The following OTUD5 variants were observed in gnomAD, a reference collection of about 807,000 sequenced individuals.
OTUD5 encodes OTU deubiquitinase 5, also known as OTU domain-containing protein 5.
A neutral mutation model predicts 36.3 loss-of-function variants in OTUD5; 2 were observed. The observed-to-expected ratio is 0.06, with a 90% CI of 0.02 to 0.17. The LOEUF (loss-of-function observed/expected upper bound fraction) is 0.17, where lower values mean the gene tolerates loss of function less well. Ranked by LOEUF, OTUD5 falls within the 10% of genes least tolerant of loss-of-function variation. The probability of loss-of-function intolerance (pLI) is 1.00; values close to 1 mark genes in which losing one functional copy is unlikely to be tolerated. For missense variants in OTUD5, 233 were observed against 512.3 expected, an observed-to-expected ratio of 0.45 and a Z score of 5.26; for synonymous variants, 234 against 214.9, an observed-to-expected ratio of 1.09 and a Z score of -0.78.
chrX:48,932,913 T>C (rs1343407950), intron 5 of OTUD5, among the ~76,000 whole-genome samples: 2 of 110,874 alleles, frequency 1.8e-5, no homozygotes, highest in African/African-American at 6.6e-5. Context: ...GCCAGGGAAG[T>C]GGAGGCTAGC....
intron 1 of OTUD5, among the ~76,000 whole-genome samples, chrX:48,946,574 T>C (rs1216804318): frequency 7.1e-5 from 8 of 112,090 alleles, no homozygotes; most frequent in Non-Finnish European, 7.5e-5. Context: ...TGAGCTTCCA[T>C]GCGCAGCACA....
rs1569516603 is a variant in OTUD5, at chrX:48,952,000, G to GAGGTTGCAGCA, written c.594+4976_594+4977insTGCTGCAACCT. On this transcript the variant is annotated intron_variant, in intron 1 of 8. Coordinates refer to ENST00000376488, the MANE Select transcript of OTUD5 (RefSeq NM_001136157.2). ...GAACCCGGAAGCCGGAGGTTGCAGCGACCTGAGATTGCGCCACTGCACTCC... is the reference window on the plus strand; with the variant it reads ...GAACCCGGAAGCCGGAGGTTGCAGCGAGGTTGCAGCAACCTGAGATTGCGCCACTGCACTCC... Among the ~76,000 whole-genome samples the GAGGTTGCAGCA allele has an allele frequency of 2.7e-5, 3 of 110,231 alleles. No individual in the cohort carries two copies. The East Asian group carries it at 8.5e-4, about 31-fold the overall frequency.
chrX:48,935,917 C>T (rs967139028), intron 2 of OTUD5, among the ~76,000 whole-genome samples: 5 of 73,053 alleles, frequency 6.8e-5, no homozygotes, highest in Admixed American at 4.4e-4. Context: ...CCAGCCTGGG[C>T]GACAGAGTAA....
chrX:48,929,899 T>G (rs369860555), intron 5 of OTUD5, among the ~76,000 whole-genome samples: 1 of 110,274 alleles, frequency 9.1e-6, no homozygotes, highest in Non-Finnish European at 1.9e-5. Context: ...GTCAGGAGAT[T>G]GAGACCATCC....
At chrX:48,926,152 A>AG (rs1224666825) in intron 5 of OTUD5, 102 bp from the exon 6 acceptor site, 4 of 595,013 alleles carry the variant, frequency 6.7e-6, no homozygotes, top group Non-Finnish European at 8.2e-6. Context: ...CAGAAAAAAA[A>AG]GGAGACAGGA....
intron 1 of OTUD5, among the ~76,000 whole-genome samples, chrX:48,952,266 A>C (rs1399252769): frequency 6.7e-4 from 75 of 111,969 alleles, no homozygotes; most frequent in Non-Finnish European, 3.8e-4. Context: ...AAATCAATCA[A>C]GCCAGAAAGT....
intron 5 of OTUD5, among the ~76,000 whole-genome samples, chrX:48,927,261 C>T (rs1342875664): frequency 9.0e-6 from 1 of 111,124 alleles, no homozygotes; most frequent in African/African-American, 3.3e-5. Flanking sequence ...CTTCTGTGAC[C>T]AAGTGTGCGG....
chrX:48,935,474 A>T (rs1288803263), intron 2 of OTUD5, among the ~76,000 whole-genome samples: 1 of 110,656 alleles, frequency 9.0e-6, no homozygotes, highest in Non-Finnish European at 1.9e-5. Flanking sequence ...TGACTCCTAC[A>T]AGTCAACATG....
At chrX:48,924,881 C>A (rs1465236479) in intron 6 of OTUD5, among the ~76,000 whole-genome samples, 2 of 112,125 alleles carry the variant, frequency 1.8e-5, no homozygotes, top group African/African-American at 6.5e-5. Flanking sequence ...AAACTGTGAA[C>A]ATCACAAGGA....
At chrX:48,938,385 G>T (rs1195558938) in intron 2 of OTUD5, among the ~76,000 whole-genome samples, 1 of 111,755 alleles carries the variant, frequency 8.9e-6, no homozygotes, top group African/African-American at 3.3e-5. Context: ...AAACACATAG[G>T]AAGTACTCAA....
intron 1 of OTUD5, among the ~76,000 whole-genome samples, chrX:48,954,582 G>A (rs2064204164): frequency 1.8e-5 from 2 of 111,382 alleles, no homozygotes; most frequent in South Asian, 7.4e-4. Context: ...ATGATGGGAG[G>A]AAGGGACCAA....
At chrX:48,931,162 T>C (rs1217673991) in intron 5 of OTUD5, among the ~76,000 whole-genome samples, 4 of 111,382 alleles carry the variant, frequency 3.6e-5, no homozygotes, top group African/African-American at 1.3e-4. Flanking sequence ...CAGTACAGTA[T>C]GGAAAAGGTG....
intron 1 of OTUD5, among the ~76,000 whole-genome samples, chrX:48,955,269 C>A (rs1355235376): frequency 1.8e-5 from 2 of 111,289 alleles, no homozygotes; most frequent in Non-Finnish European, 3.8e-5. Context: ...GTGACAGTAC[C>A]CTCAGGGCAG....
intron 2 of OTUD5, among the ~76,000 whole-genome samples, chrX:48,943,468 T>C (rs1266671122): frequency 8.9e-6 from 1 of 111,849 alleles, no homozygotes; most frequent in Non-Finnish European, 1.9e-5. Context: ...GCTTTAAAAA[T>C]ACTCTTCTTT....
chrX:48,956,243 A>G (rs1283338677), intron 1 of OTUD5, among the ~76,000 whole-genome samples: 2 of 111,645 alleles, frequency 1.8e-5, no homozygotes, highest in African/African-American at 6.5e-5. Flanking sequence ...GGGCAAGGGA[A>G]TCATATCTCC....
In OTUD5 at chrX:48,957,148, G is replaced by A. The variant is rs1569517573; in HGVS notation, c.423C>T (p.Gly141=). 2 of 1,159,504 alleles carry A rather than the reference G, an allele frequency of 1.7e-6. No individual in the cohort carries two copies. Among genetic ancestry groups the A allele is most frequent in the Non-Finnish European group, 1.1e-6 (1 of 875,005 alleles). ...TGCTGTGCCCAGGCCCGGAGCAGCAGCCGCCCACGCCTACGGCACCACCCA... is the reference window on the plus strand; with the variant it reads ...TGCTGTGCCCAGGCCCGGAGCAGCAACCGCCCACGCCTACGGCACCACCCA... ...VGVGGAVGVG[G]CCSGPGHSKR... is the part of the protein sequence containing the mutation. Residue 141 remains glycine (G), a synonymous_variant, in exon 1 of 9, where the codon GGC becomes GGT. Coordinates refer to ENST00000376488, the MANE Select transcript of OTUD5 (RefSeq NM_001136157.2).
intron 5 of OTUD5, among the ~76,000 whole-genome samples, chrX:48,932,356 G>A (rs1347150420): frequency 9.2e-6 from 1 of 109,224 alleles, no homozygotes; most frequent in East Asian, 2.9e-4. Flanking sequence ...ACAGAGTCTC[G>A]CTCCGTCACC....
At chrX:48,945,144 C>A (rs2064001679) in intron 1 of OTUD5, among the ~76,000 whole-genome samples, 1 of 110,798 alleles carries the variant, frequency 9.0e-6, no homozygotes, top group Admixed American at 9.7e-5. Flanking sequence ...TACAAACACA[C>A]GTACACAAAA....
At chrX:48,925,744 C>A in intron 6 of OTUD5, 103 bp downstream of exon 6, 1 of 634,874 alleles carries the variant, frequency 1.6e-6, no homozygotes. Flanking sequence ...GCTTCCTTCC[C>A]TCCCAGATGT....
Sources: gnomAD v4.1 joint callset for allele counts (sites outside exome capture counted in the v4.1 genomes callset) on GRCh38, gnomAD v4.1.1 for gene constraint, MANE v1.5 for transcripts, NCBI Gene and HGNC (gene_info 2026-07-23, HGNC 2026-07-21) for gene names.